Variants in MYO3B observed in about 807,000 individuals in gnomAD.
MYO3B encodes the protein myosin-IIIb.
A neutral mutation model predicts 174.6 loss-of-function variants in MYO3B; 156 were observed. That is an observed-to-expected ratio of 0.89 (90% CI 0.78 to 1.02). The LOEUF (loss-of-function observed/expected upper bound fraction) is 1.02, where lower values mean the gene tolerates loss of function less well. Among genes scored for constraint, MYO3B ranks in the 50% least tolerant of loss-of-function variants. MYO3B has a pLI of 0.00. For synonymous variants in MYO3B, 563 were observed against 569.1 expected (o/e 0.99, Z 0.15); for missense variants, 1,632 against 1,639.4 (o/e 1.00, Z 0.08).
At chr2:170,356,363 G>T (rs10432468) in intron 8 of MYO3B, among the ~76,000 whole-genome samples, 1 of 151,574 alleles carries the variant, frequency 6.6e-6, no homozygotes, top group Non-Finnish European at 1.5e-5. Flanking sequence ...TAGCATGGAG[G>T]CATTTCTTTT....
At chr2:170,432,838 G>T (rs1199257004) in intron 22 of MYO3B, among the ~76,000 whole-genome samples, 1 of 151,874 alleles carries the variant, frequency 6.6e-6, no homozygotes, top group African/African-American at 2.4e-5. Flanking sequence ...GCCTCCTAAA[G>T]TGCTGGGATT....
chr2:170,352,493 T>C (rs1167800436), intron 8 of MYO3B, among the ~76,000 whole-genome samples: 1 of 152,176 alleles, frequency 6.6e-6, no homozygotes, highest in Non-Finnish European at 1.5e-5. Flanking sequence ...GATTTCTATC[T>C]ATATGACCAT....
chr2:170,505,405 C>T (rs1559066370), intron 28 of MYO3B, among the ~76,000 whole-genome samples: 1 of 152,134 alleles, frequency 6.6e-6, no homozygotes, highest in African/African-American at 2.4e-5. Context: ...AATTAAAATA[C>T]ATACTTTGTT....
chr2:170,626,106 C>CCTTGTTAA (rs1696400796), intron 32 of MYO3B, among the ~76,000 whole-genome samples: 1 of 152,060 alleles, frequency 6.6e-6, no homozygotes, highest in African/African-American at 2.4e-5. Context: ...TCCTGGATAT[C>CCTTGTTAA]CTTGTTAACT....
chr2:170,361,193 T>C (rs957780466), intron 8 of MYO3B, among the ~76,000 whole-genome samples: 2 of 152,154 alleles, frequency 1.3e-5, no homozygotes, highest in African/African-American at 4.8e-5. Flanking sequence ...TTCTAACCAT[T>C]TAAGGTGTGA....
intron 24 of MYO3B, among the ~76,000 whole-genome samples, chr2:170,464,344 CAAAAAAAA>C (rs55671996): frequency 4.1e-5 from 4 of 98,226 alleles, no homozygotes; most frequent in African/African-American, 7.8e-5. Context: ...GACTCCCTCT[CAAAAAAAA>C]AAAAAAAAAA....
intron 32 of MYO3B, among the ~76,000 whole-genome samples, chr2:170,637,698 A>G (rs972995083): frequency 3.9e-5 from 6 of 152,214 alleles, no homozygotes; most frequent in Admixed American, 3.3e-4. Context: ...TGTGACCCTG[A>G]AGAACTGAAA....
intron 7 of MYO3B, among the ~76,000 whole-genome samples, chr2:170,261,482 A>G (rs1001170041): frequency 6.6e-6 from 1 of 152,154 alleles, no homozygotes; most frequent in African/African-American, 2.4e-5. Context: ...CCGTCACCAG[A>G]TTGAGGCTGC....
Position 170,220,656 on chromosome 2 carries a change from G to T in MYO3B, c.603+3261G>T, listed in dbSNP as rs957699816. ...AAAAAAAAAAAAAAAAAAAAAAAATGGAGTGTTTCTGTAGGGGACAGTTTA... is the reference window on the plus strand; with the variant it reads ...AAAAAAAAAAAAAAAAAAAAAAAATTGAGTGTTTCTGTAGGGGACAGTTTA... On this transcript the variant is annotated intron_variant, in intron 6 of 34. Transcript: ENST00000408978. Among the ~76,000 whole-genome samples, 4 of 144,442 alleles carry T rather than the reference G, an allele frequency of 2.8e-5. No individual in the cohort carries two copies. In the East Asian group the frequency reaches 6.3e-4, roughly 23 times the overall value. The allele number at this position is 144,442 out of a possible 152,430, so 94.8% of individuals were successfully genotyped here.
chr2:170,201,478 G>A (rs936152379), intron 3 of MYO3B, among the ~76,000 whole-genome samples: 7 of 152,204 alleles, frequency 4.6e-5, no homozygotes, highest in African/African-American at 1.7e-4. Context: ...GGGAGGGCCT[G>A]AGCCTGGGAC....
At chr2:170,222,467 A>G (rs1377617995) in intron 6 of MYO3B, among the ~76,000 whole-genome samples, 1 of 152,168 alleles carries the variant, frequency 6.6e-6, no homozygotes, top group Non-Finnish European at 1.5e-5. Context: ...TGAAGCCTCT[A>G]GGGGAGGGAT....
chr2:170,229,542 C>G (rs1001352749), intron 6 of MYO3B, among the ~76,000 whole-genome samples: 5 of 152,060 alleles, frequency 3.3e-5, no homozygotes, highest in Non-Finnish European at 7.4e-5. Context: ...CTGAATAATA[C>G]CTGTTGTTTA....
intron 7 of MYO3B, among the ~76,000 whole-genome samples, chr2:170,281,133 G>T (rs187911946): frequency 2.8e-3 from 419 of 152,080 alleles, no homozygotes; most frequent in African/African-American, 9.9e-3. Context: ...CCATTTATTT[G>T]TGTCTTCTCT....
intron 32 of MYO3B, among the ~76,000 whole-genome samples, chr2:170,590,880 G>A (rs1305825769): frequency 2.6e-5 from 4 of 152,102 alleles, no homozygotes; most frequent in Admixed American, 2.0e-4. Context: ...ACGTTTGGCC[G>A]CAATACTCTA....
chr2:170,613,689 C>G (rs1196205529), intron 32 of MYO3B, among the ~76,000 whole-genome samples: 2 of 152,082 alleles, frequency 1.3e-5, no homozygotes, highest in Non-Finnish European at 2.9e-5. Flanking sequence ...AAAGGCAGAC[C>G]CACCCTTAAT....
At chr2:170,211,521 A>C (rs2092770351) in intron 3 of MYO3B, among the ~76,000 whole-genome samples, 1 of 151,800 alleles carries the variant, frequency 6.6e-6, no homozygotes, top group Non-Finnish European at 1.5e-5. Context: ...GGTATTTTCG[A>C]AGGGGATAAG....
intron 7 of MYO3B, among the ~76,000 whole-genome samples, chr2:170,238,269 C>G (rs910572664): frequency 7.9e-5 from 12 of 152,080 alleles, no homozygotes; most frequent in African/African-American, 2.7e-4. Flanking sequence ...AGAAATTAAG[C>G]ATTTATGTAT....
At chr2:170,511,392 T>C (rs1467566422) in intron 28 of MYO3B, among the ~76,000 whole-genome samples, 1 of 152,210 alleles carries the variant, frequency 6.6e-6, no homozygotes, top group Non-Finnish European at 1.5e-5. Flanking sequence ...TTGAGTAAAA[T>C]GTATAGTAAA....
intron 7 of MYO3B, among the ~76,000 whole-genome samples, chr2:170,317,335 T>C (rs11679474): frequency 0.5 from 75,360 of 152,030 alleles, 19,525 homozygotes; most frequent in East Asian, 0.67. Flanking sequence ...ATGTCACAGT[T>C]GCCTAGCGAA....
Sources: allele counts gnomAD v4.1 joint callset (sites outside exome capture counted in the v4.1 genomes callset), GRCh38; gene constraint gnomAD v4.1.1; transcripts MANE v1.5; gene names NCBI Gene and HGNC (gene_info 2026-07-23, HGNC 2026-07-21).